Variants in CHD7 observed in about 807,000 individuals in gnomAD.
The protein encoded by CHD7 is ATP-dependent chromatin remodeler CHD7.
A neutral mutation model predicts 307.3 loss-of-function variants in CHD7; 24 were observed. That is an observed-to-expected ratio of 0.08 (90% CI 0.06 to 0.11). CHD7 has a LOEUF of 0.11. CHD7 is among the 10% of genes least tolerant of loss of function. The pLI is 1.00. For missense variants in CHD7, 3,106 were observed against 3,727.1 expected, an observed-to-expected ratio of 0.83 and a Z score of 4.34; for synonymous variants, 1,363 against 1,349.9, an observed-to-expected ratio of 1.01 and a Z score of -0.21.
intron 9 of CHD7, among the ~76,000 whole-genome samples, chr8:60,821,211 A>G (rs564336088): frequency 6.6e-5 from 10 of 152,354 alleles, no homozygotes; most frequent in African/African-American, 1.9e-4. Flanking sequence ...TTTACCATGT[A>G]AGTCTGAATC....
chr8:60,698,128 A>G (rs1007654024), intron 1 of CHD7, among the ~76,000 whole-genome samples: 7 of 152,264 alleles, frequency 4.6e-5, no homozygotes, highest in African/African-American at 1.2e-4. Flanking sequence ...ACAATTATCA[A>G]GTATTTGAGT....
At chr8:60,764,420 ATGTC>A (rs775914892) in intron 2 of CHD7, among the ~76,000 whole-genome samples, 3 of 152,202 alleles carry the variant, frequency 2.0e-5, no homozygotes, top group Non-Finnish European at 4.4e-5. Context: ...CTACTGGAAA[ATGTC>A]TGTACCTTTT....
At chr8:60,744,907 A>G (rs143595046) in intron 2 of CHD7, among the ~76,000 whole-genome samples, 1 of 151,242 alleles carries the variant, frequency 6.6e-6, no homozygotes, top group Non-Finnish European at 1.5e-5. Flanking sequence ...GGCATTTAAT[A>G]CAGAGGCTCT....
At chr8:60,828,530 T>A in intron 13 of CHD7, 133 bp from the exon 14 acceptor site, 1 of 791,556 alleles carries the variant, frequency 1.3e-6, no homozygotes, top group Middle Eastern at 2.8e-4. Context: ...ACCTCTGTTT[T>A]CATGCCTGAT....
At chr8:60,809,282 A>G (rs974786582) in intron 7 of CHD7, among the ~76,000 whole-genome samples, 2 of 152,210 alleles carry the variant, frequency 1.3e-5, no homozygotes, top group African/African-American at 2.4e-5. Context: ...CAGTCTGACA[A>G]TTTTAAAAAT....
At position 60,853,331 on chromosome 8, in the gene CHD7, G is replaced by A; in HGVS notation, c.6606G>A (p.Glu2202=). ...AAGAAACCGATGGCAGCGGGAAGGA[G>A]AGCAAGCAGGAATGTGAGGCAGAGG... ...EEEETDGSGK[E]SKQECEAEAS... Residue 2202 remains glutamate, a synonymous_variant, in exon 31 of 38, where the codon GAG becomes GAA. Coordinates refer to ENST00000423902, the MANE Select transcript of CHD7 (RefSeq NM_017780.4). 1.9e-6 allele frequency: 3 copies of A among 1,595,922 alleles called. No individual in the cohort carries two copies. Among genetic ancestry groups the A allele is most frequent in the Non-Finnish European group, 2.6e-6 (3 of 1,170,582 alleles).
At position 60,854,421 on chromosome 8, in the gene CHD7, T is replaced by G; in HGVS notation, c.6834T>G (p.Thr2278=). Residue 2278 remains threonine, a synonymous_variant, in exon 32 of 38, where the codon ACT becomes ACG. Transcript: ENST00000423902. ...FDEESNASMS[T]ARDETRDGFY... Reference sequence around the variant, plus strand: ...AAGAAAGCAATGCTTCCATGAGCACTGCTAGAGATGAAACCCGAGATGGAT... The same window carrying G: ...AAGAAAGCAATGCTTCCATGAGCACGGCTAGAGATGAAACCCGAGATGGAT... 1 of 1,613,812 alleles carries G rather than the reference T, an allele frequency of 6.2e-7. No individual in the cohort carries two copies. Among genetic ancestry groups the G allele is most frequent in the South Asian group, 1.1e-5 (1 of 91,040 alleles).
intron 2 of CHD7, among the ~76,000 whole-genome samples, chr8:60,776,454 G>A (rs571845114): frequency 6.6e-6 from 1 of 152,266 alleles, no homozygotes; most frequent in African/African-American, 2.4e-5. Flanking sequence ...TGAAGCATTT[G>A]CATGCCTGCA....
At chr8:60,714,834 T>G (rs1349432169) in intron 1 of CHD7, among the ~76,000 whole-genome samples, 1 of 152,222 alleles carries the variant, frequency 6.6e-6, no homozygotes, top group Non-Finnish European at 1.5e-5. Flanking sequence ...GTGTTCCAGG[T>G]CTGCCCAGGG....
At chr8:60,757,941 C>T (rs1809974428) in intron 2 of CHD7, among the ~76,000 whole-genome samples, 1 of 152,122 alleles carries the variant, frequency 6.6e-6, no homozygotes, top group East Asian at 1.9e-4. Context: ...AGTAATAGTT[C>T]TCAAATGTTT....
chr8:60,762,266 C>T (rs1810250939), intron 2 of CHD7, among the ~76,000 whole-genome samples: 1 of 152,214 alleles, frequency 6.6e-6, no homozygotes, highest in Non-Finnish European at 1.5e-5. Flanking sequence ...GCTTCTGGCA[C>T]ATAACACTCA....
chr8:60,713,239 G>A (rs1807377338), intron 1 of CHD7, among the ~76,000 whole-genome samples: 1 of 151,920 alleles, frequency 6.6e-6, no homozygotes. Context: ...AGCCTCACTA[G>A]TAGCTGGGAT....
intron 23 of CHD7, among the ~76,000 whole-genome samples, chr8:60,846,879 C>A (rs1805232138): frequency 6.6e-6 from 1 of 152,230 alleles, no homozygotes; most frequent in African/African-American, 2.4e-5. Flanking sequence ...AGGGCAGCCT[C>A]AGCTTGGAAG....
At chr8:60,692,572 G>T (rs1456028954) in intron 1 of CHD7, among the ~76,000 whole-genome samples, 31 of 152,156 alleles carry the variant, frequency 2.0e-4, no homozygotes, top group Admixed American at 2.0e-3. Flanking sequence ...CTTTCTTGGA[G>T]GACTTGTTAG....
At chr8:60,820,615 A>G (rs951143916) in intron 9 of CHD7, among the ~76,000 whole-genome samples, 1 of 152,212 alleles carries the variant, frequency 6.6e-6, no homozygotes, top group African/African-American at 2.4e-5. Context: ...TTGATAGGGA[A>G]GTAAGAATGA....
At position 60,848,528 on chromosome 8, in the gene CHD7, G is replaced by A. The variant is rs749724087; in HGVS notation, c.5224G>A (p.Val1742Ile). 1 of 1,613,278 alleles carries A rather than the reference G, an allele frequency of 6.2e-7. No homozygotes were observed. Among genetic ancestry groups the A allele is most frequent in the Non-Finnish European group, 8.5e-7 (1 of 1,179,542 alleles). Residue 1742 changes from valine to isoleucine, a missense_variant, in exon 24 of 38, where the codon GTC becomes ATC. Transcript: ENST00000423902. ...CTTCCTCTCCAGGGTCCTGCTGCGT[G>A]TCCGCATGCTGTACTACCTAAGACA... is the stretch of plus-strand genomic sequence containing the variant. ...KHHCNKVLLRVRMLYYLRQEV... is the reference protein window; with the variant it reads ...KHHCNKVLLRIRMLYYLRQEV...
intron 13 of CHD7, among the ~76,000 whole-genome samples, chr8:60,827,195 A>G (rs992185068): frequency 1.3e-5 from 2 of 152,154 alleles, no homozygotes; most frequent in Non-Finnish European, 2.9e-5. Flanking sequence ...ACATGTATAC[A>G]TATGTAACTA....
chr8:60,791,964 A>G (rs1811793969), intron 3 of CHD7, among the ~76,000 whole-genome samples: 1 of 152,224 alleles, frequency 6.6e-6, no homozygotes, highest in Non-Finnish European at 1.5e-5. Flanking sequence ...ACCAGAGAAT[A>G]CTTTCCAGAC....
intron 7 of CHD7, among the ~76,000 whole-genome samples, chr8:60,809,163 C>T (rs555305083): frequency 6.6e-5 from 10 of 152,216 alleles, no homozygotes; most frequent in Admixed American, 4.6e-4. Flanking sequence ...TTGTAGTTGG[C>T]ACTGTTAATA....
Sources: allele counts gnomAD v4.1 joint callset (sites outside exome capture counted in the v4.1 genomes callset), GRCh38; gene constraint gnomAD v4.1.1; transcripts MANE v1.5; gene names NCBI Gene and HGNC (gene_info 2026-07-23, HGNC 2026-07-21).